Variants in MCC observed in about 807,000 individuals in gnomAD.
MCC encodes the protein colorectal mutant cancer protein.
MCC carries 90 observed loss-of-function variants against 116.2 expected under a neutral mutation model. The ratio of observed to expected loss-of-function variants is 0.77; its 90% CI spans 0.65 to 0.92. MCC has a LOEUF of 0.92. Among genes scored for constraint, MCC ranks in the 40% least tolerant of loss-of-function variants. The probability of loss-of-function intolerance (pLI) is 0.00; values close to 1 mark genes in which losing one functional copy is unlikely to be tolerated. For synonymous variants in MCC, 578 were observed against 510.5 expected (o/e 1.13, Z -1.78); for missense variants, 1,516 against 1,312.2 (o/e 1.16, Z -2.40).
At chr5:113,163,509 G>A (rs2165933) in intron 3 of MCC, among the ~76,000 whole-genome samples, 82,355 of 145,160 alleles carry the variant, frequency 0.57, 24,652 homozygotes, top group Non-Finnish European at 0.68. Flanking sequence ...CTTTTTTCCT[G>A]TAACCCTTAG....
intron 2 of MCC, among the ~76,000 whole-genome samples, chr5:113,341,484 A>G (rs955493580): frequency 3.3e-5 from 5 of 152,170 alleles, no homozygotes; most frequent in Non-Finnish European, 5.9e-5. Context: ...TGCAACCGAC[A>G]GTATCATGAC....
chr5:113,126,242 C>T (rs1234915135), intron 5 of MCC, among the ~76,000 whole-genome samples: 1 of 152,210 alleles, frequency 6.6e-6, no homozygotes, highest in Non-Finnish European at 1.5e-5. Flanking sequence ...TTAGATTGTA[C>T]ACTTGCCTAT....
At chr5:113,059,277 C>T (rs1027889630) in intron 14 of MCC, among the ~76,000 whole-genome samples, 1 of 152,214 alleles carries the variant, frequency 6.6e-6, no homozygotes, top group African/African-American at 2.4e-5. Context: ...TTCCCTTCTC[C>T]TGCTTCCAGG....
At chr5:113,117,817 T>G (rs76648613) in intron 6 of MCC, among the ~76,000 whole-genome samples, 1,720 of 152,222 alleles carry the variant, frequency 0.011, 37 homozygotes, top group African/African-American at 0.04. Context: ...GGTCCAAGAG[T>G]GTTGTTTCTA....
intron 2 of MCC, among the ~76,000 whole-genome samples, chr5:113,370,173 C>T (rs1478051339): frequency 1.3e-5 from 2 of 152,328 alleles, no homozygotes; most frequent in East Asian, 3.9e-4. Flanking sequence ...AGAATCTCCA[C>T]AATGGATGAC....
At chr5:113,127,366 C>T (rs1167320010) in intron 5 of MCC, among the ~76,000 whole-genome samples, 1 of 152,164 alleles carries the variant, frequency 6.6e-6, no homozygotes, top group Non-Finnish European at 1.5e-5. Context: ...GGTATATACC[C>T]AGTAATGTGA....
chr5:113,156,766 C>A (rs1326927796), intron 3 of MCC, among the ~76,000 whole-genome samples: 1 of 152,192 alleles, frequency 6.6e-6, no homozygotes, highest in Non-Finnish European at 1.5e-5. Flanking sequence ...CTGTTTTGAG[C>A]CCTGCTTCAC....
intron 2 of MCC, among the ~76,000 whole-genome samples, chr5:113,382,743 A>C (rs1769155086): frequency 6.6e-6 from 1 of 152,168 alleles, no homozygotes; most frequent in Non-Finnish European, 1.5e-5. Flanking sequence ...ATTCCCCCAA[A>C]TAACAACTGC....
intron 1 of MCC, among the ~76,000 whole-genome samples, chr5:113,395,818 T>C (rs529132606): frequency 6.6e-6 from 1 of 152,270 alleles, no homozygotes; most frequent in East Asian, 1.9e-4. Flanking sequence ...CTCTTCATAA[T>C]TGCCTGGGGT....
Position 113,457,307 on chromosome 5 carries a change from T to C in MCC, c.170+30938A>G, listed in dbSNP as rs1050077361. Among the ~76,000 whole-genome samples, 484 of 152,196 alleles carry C rather than the reference T, an allele frequency of 3.2e-3. 5 individuals carry two copies. Among genetic ancestry groups the C allele is most frequent in the African/African-American group, 0.011 (464 of 41,542 alleles). On this transcript the variant is annotated intron_variant, in intron 1 of 18. Coordinates refer to ENST00000408903, the MANE Select transcript of MCC (RefSeq NM_001085377.2). ...CACCCGGGCCAGCGGCTGCGGAGGG[T>C]GTACTGGGTCCCCCAGCAGTGCCAG...
intron 16 of MCC, among the ~76,000 whole-genome samples, chr5:113,046,927 A>G (rs1052970855): frequency 3.9e-5 from 6 of 152,136 alleles, no homozygotes; most frequent in Non-Finnish European, 5.9e-5. Context: ...GGACCCTTCC[A>G]TGATTCCGCA....
At chr5:113,209,886 A>G (rs1198685080) in intron 3 of MCC, among the ~76,000 whole-genome samples, 1 of 152,222 alleles carries the variant, frequency 6.6e-6, no homozygotes, top group East Asian at 1.9e-4. Context: ...AAAAGGGGGG[A>G]AAGAAATTAC....
chr5:113,177,977 T>A (rs1456415661), intron 3 of MCC, among the ~76,000 whole-genome samples: 1 of 152,234 alleles, frequency 6.6e-6, no homozygotes, highest in Admixed American at 6.5e-5. Context: ...CTTAGAAGAC[T>A]ATTTCACTAT....
chr5:113,087,759 G>T (rs1018567914), intron 8 of MCC, among the ~76,000 whole-genome samples: 1 of 147,626 alleles, frequency 6.8e-6, no homozygotes, highest in African/African-American at 2.6e-5. Context: ...AATCCCTACT[G>T]GCCTACTCAT....
Position 113,107,501 on chromosome 5 carries a change from G to C in MCC, c.1028-3146C>G, listed in dbSNP as rs925928597. On this transcript the variant is annotated intron_variant, in intron 6 of 18. Coordinates refer to ENST00000408903, the MANE Select transcript of MCC (RefSeq NM_001085377.2). ...CCTCGACCTGAGCTGCTAAGAACTA[G>C]GATGCTCATCACTGCAGAGGCCCTT... Among the ~76,000 whole-genome samples, 6 of 152,058 alleles carry C rather than the reference G, an allele frequency of 3.9e-5. No homozygotes were observed. The East Asian group carries it at 5.8e-4, about 15-fold the overall frequency.
At chr5:113,326,118 G>A (rs746928913) in intron 3 of MCC, among the ~76,000 whole-genome samples, 3 of 152,096 alleles carry the variant, frequency 2.0e-5, no homozygotes, top group Non-Finnish European at 4.4e-5. Context: ...AATGTGATAT[G>A]GTCTGAATTT....
intron 2 of MCC, among the ~76,000 whole-genome samples, chr5:113,376,707 T>G (rs1355225165): frequency 6.6e-6 from 1 of 152,126 alleles, no homozygotes; most frequent in Non-Finnish European, 1.5e-5. Context: ...ATCTGTTATT[T>G]TTCCCTGCCC....
intron 14 of MCC, among the ~76,000 whole-genome samples, chr5:113,063,147 T>C (rs933466349): frequency 1.3e-5 from 2 of 152,212 alleles, no homozygotes; most frequent in African/African-American, 4.8e-5. Flanking sequence ...CCCTTCCAAG[T>C]CTTTCACGAT....
intron 3 of MCC, among the ~76,000 whole-genome samples, chr5:113,266,238 TACACAC>T (rs58228493): frequency 6.7e-6 from 1 of 149,004 alleles, no homozygotes; most frequent in Admixed American, 6.7e-5. Flanking sequence ...TCACCCCTTC[TACACAC>T]ACACACACAC....
Sources: allele counts gnomAD v4.1 joint callset (sites outside exome capture counted in the v4.1 genomes callset), GRCh38; gene constraint gnomAD v4.1.1; transcripts MANE v1.5; gene names NCBI Gene and HGNC (gene_info 2026-07-23, HGNC 2026-07-21).